The following RUFY3 variants were observed in gnomAD, a reference collection of about 807,000 sequenced individuals.
The protein encoded by RUFY3 is RUN and FYVE domain containing 3, also known as protein RUFY3.
A neutral mutation model predicts 84.0 loss-of-function variants in RUFY3; 34 were observed. The observed-to-expected ratio is 0.40, with a 90% CI of 0.31 to 0.54. The LOEUF is 0.54. Among genes scored for constraint, RUFY3 ranks in the 20% least tolerant of loss-of-function variants. The pLI is 0.39. For missense variants in RUFY3, 507 were observed against 736.8 expected, an observed-to-expected ratio of 0.69 and a Z score of 3.61; for synonymous variants, 242 against 252.9, an observed-to-expected ratio of 0.96 and a Z score of 0.41.
chr4:70,748,901 C>T (rs1722659851), intron 1 of RUFY3, among the ~76,000 whole-genome samples: 1 of 152,026 alleles, frequency 6.6e-6, no homozygotes, highest in Non-Finnish European at 1.5e-5. Context: ...AATGTAGGTG[C>T]CCAAGAGGTC....
Position 70,727,832 on chromosome 4 carries a change from GT to G in RUFY3, c.178+5083del, listed in dbSNP as rs542475188. ...TTTTTAAAGAAATTCACCAATACAT[GT>G]TATGTATACGCATGTCCACATACGT... On this transcript the variant is annotated intron_variant, in intron 1 of 17. Coordinates refer to ENST00000381006, the MANE Select transcript of RUFY3 (RefSeq NM_001037442.4). 5.3e-5 allele frequency among the ~76,000 whole-genome samples: 8 copies of G among 151,568 alleles called. No homozygotes were observed. In the South Asian group the frequency reaches 1.7e-3, roughly 32 times the overall value.
At chr4:70,708,406 C>T (rs1326911359) in intron 1 of RUFY3, among the ~76,000 whole-genome samples, 1 of 151,990 alleles carries the variant, frequency 6.6e-6, no homozygotes, top group Non-Finnish European at 1.5e-5. Context: ...AAGTGATCCA[C>T]CCTCCTCGGC....
At chr4:70,793,124 G>T in intron 12 of RUFY3, 1 of 985,318 alleles carries the variant, frequency 1.0e-6, no homozygotes, top group East Asian at 1.1e-4. Context: ...TGGAGAATAT[G>T]GTCAGAGTCT....
intron 5 of RUFY3, among the ~76,000 whole-genome samples, chr4:70,769,201 C>G (rs1466278515): frequency 6.6e-6 from 1 of 152,012 alleles, no homozygotes; most frequent in Admixed American, 6.6e-5. Context: ...AAAAAATTAG[C>G]TGGTTGTGTA....
intron 1 of RUFY3, among the ~76,000 whole-genome samples, chr4:70,738,169 G>A (rs1720698370): frequency 6.8e-6 from 1 of 147,794 alleles, no homozygotes; most frequent in South Asian, 2.1e-4. Flanking sequence ...TTGTATTTTT[G>A]GCAGAGACAG....
intron 1 of RUFY3, among the ~76,000 whole-genome samples, chr4:70,733,879 G>C (rs540736973): frequency 5.3e-5 from 8 of 152,114 alleles, no homozygotes; most frequent in African/African-American, 1.7e-4. Context: ...TTCTACAAGA[G>C]GACATATTAC....
At chr4:70,740,458 C>G (rs1721155125) in intron 1 of RUFY3, among the ~76,000 whole-genome samples, 2 of 152,300 alleles carry the variant, frequency 1.3e-5, no homozygotes, top group Admixed American at 1.3e-4. Context: ...CTATACAAAT[C>G]TTGGAGGCTC....
chr4:70,752,775 A>G (rs937417167), intron 1 of RUFY3, among the ~76,000 whole-genome samples: 1 of 152,324 alleles, frequency 6.6e-6, no homozygotes, highest in African/African-American at 2.4e-5. Context: ...TGGTCCAGTT[A>G]TATAATCCTT....
intron 6 of RUFY3, 108 bp downstream of exon 6, chr4:70,773,680 A>G (rs1727364245): frequency 1.5e-6 from 1 of 684,080 alleles, no homozygotes; most frequent in Non-Finnish European, 2.5e-6. Context: ...TGCTGAAAGA[A>G]TTTCTGATCA....
chr4:70,763,756 G>A lies in RUFY3; in HGVS notation c.470+87G>A, dbSNP rs1262955049. 35 of 1,461,584 alleles carry A rather than the reference G, an allele frequency of 2.4e-5. No homozygotes were observed. The East Asian group carries it at 5.3e-4, about 22-fold the overall frequency. The allele number at this position is 1,461,584 out of a possible 1,614,324, so 90.5% of individuals were successfully genotyped here. A position where few individuals can be genotyped will look rare whatever the true frequency, so the allele number is the denominator to read the frequency against. On this transcript the variant is annotated intron_variant, in intron 3 of 17. Transcript: ENST00000381006. ...AGCAAGACTAAAGACAATTATGTAC[G>A]AATAATTTATTTTATAACAATCCAA...
chr4:70,725,107 T>C (rs1718002017), intron 1 of RUFY3, among the ~76,000 whole-genome samples: 1 of 152,198 alleles, frequency 6.6e-6, no homozygotes, highest in African/African-American at 2.4e-5. Flanking sequence ...TAAAATGATG[T>C]AGACTGACTG....
chr4:70,733,093 GAGGAGAGAGA>G (rs1387062961), intron 1 of RUFY3, among the ~76,000 whole-genome samples: 1 of 86,252 alleles, frequency 1.2e-5, no homozygotes, highest in African/African-American at 6.1e-5. Context: ...GAGAGAGAGA[GAGGAGAGAGA>G]GAGAGAGAGA....
At chr4:70,727,039 CTTTTT>C (rs1242842461) in intron 1 of RUFY3, among the ~76,000 whole-genome samples, 4 of 113,268 alleles carry the variant, frequency 3.5e-5, no homozygotes, top group East Asian at 2.5e-4. Context: ...GATTTCTTTC[CTTTTT>C]TTTTTTTTTT....
At chr4:70,709,217 T>G (rs1397707795) in intron 1 of RUFY3, among the ~76,000 whole-genome samples, 1 of 152,206 alleles carries the variant, frequency 6.6e-6, no homozygotes, top group East Asian at 1.9e-4. Flanking sequence ...GGATTATGTC[T>G]CTTTCTGAGT....
In RUFY3 at chr4:70,715,526, A is replaced by C. The variant is rs370332435; in HGVS notation, c.358+10232A>C. ...AGAATCGCTTGAACCCGGGAGGCAG[A>C]GGTTGCAGTGAGCCGAGATCGTGCC... On this transcript the variant is annotated intron_variant, in intron 1 of 11. Coordinates refer to the RUFY3 transcript ENST00000417478. Among the ~76,000 whole-genome samples the C allele has an allele frequency of 5.2e-4, 70 of 133,624 alleles. 2 individuals carry two copies. The highest frequency in any genetic ancestry group is 1.9e-3 in the African/African-American group (67 of 35,650). The allele number at this position is 133,624 out of a possible 152,430, so 87.7% of individuals were successfully genotyped here.
chr4:70,799,556 C>G (rs922984068), intron 14 of RUFY3: 3 of 152,134 alleles, frequency 2.0e-5, no homozygotes, highest in African/African-American at 4.8e-5. Flanking sequence ...AAGCCAGGCA[C>G]GGTGATGCAC....
At position 70,800,206 on chromosome 4, in the gene RUFY3, G is replaced by A. The variant is rs1344129008; in HGVS notation, c.1622+1G>A. On this transcript the variant is annotated splice_donor_variant, in intron 15 of 17. Coordinates refer to ENST00000381006, the MANE Select transcript of RUFY3 (RefSeq NM_001037442.4). LOFTEE classifies it high-confidence loss of function. ...AAAAGCCCCTGGAAGAAAGCCACAG[G>A]TGTTTGTTAATCAAGTATTAACTAA... is the stretch of plus-strand genomic sequence containing the variant. The A allele has an allele frequency of 1.3e-6, 2 of 1,599,830 alleles. No individual in the cohort carries two copies. The highest frequency in any genetic ancestry group is 8.5e-7 in the Non-Finnish European group (1 of 1,175,678).
At chr4:70,772,340 G>A (rs530232620) in intron 5 of RUFY3, among the ~76,000 whole-genome samples, 3 of 152,118 alleles carry the variant, frequency 2.0e-5, no homozygotes, top group South Asian at 4.2e-4. Flanking sequence ...GAATGAGAGC[G>A]AACTGTACTA....
chr4:70,733,078 AGAGAGAGAGAGAGAGAGGAGAG>A (rs1719585378), intron 1 of RUFY3, among the ~76,000 whole-genome samples: 1 of 95,508 alleles, frequency 1.0e-5, no homozygotes, highest in African/African-American at 4.8e-5. Context: ...AAAGAAAGAG[AGAGAGAGAGAGAGAGAGGAGAG>A]AGAGAGAGAG....
Sources: allele counts gnomAD v4.1 joint callset (sites outside exome capture counted in the v4.1 genomes callset), GRCh38; gene constraint gnomAD v4.1.1; transcripts MANE v1.5; gene names NCBI Gene and HGNC (gene_info 2026-07-23, HGNC 2026-07-21).